Variants in ADCY10 observed in about 807,000 individuals in gnomAD.
ADCY10 encodes adenylate cyclase 10, also known as adenylate cyclase type 10.
Under a neutral mutation model 183.3 loss-of-function variants are expected in ADCY10, and 156 were observed. That is an observed-to-expected ratio of 0.85 (90% CI 0.75 to 0.97). The LOEUF (loss-of-function observed/expected upper bound fraction) is 0.97, where lower values mean the gene tolerates loss of function less well. ADCY10 is among the 50% of genes least tolerant of loss of function. The pLI is 0.00. For missense variants in ADCY10, 1,745 were observed against 1,934.3 expected, an observed-to-expected ratio of 0.90 and a Z score of 1.84; for synonymous variants, 645 against 670.0, an observed-to-expected ratio of 0.96 and a Z score of 0.58.
At chr1:167,911,221 A>G (rs1300307141) in intron 1 of ADCY10, among the ~76,000 whole-genome samples, 3 of 152,390 alleles carry the variant, frequency 2.0e-5, no homozygotes, top group African/African-American at 7.2e-5. Context: ...TAAAAAGTAA[A>G]GTAGAGGTTC....
intron 25 of ADCY10, among the ~76,000 whole-genome samples, chr1:167,831,815 T>C (rs2101897566): frequency 6.6e-6 from 1 of 152,334 alleles, no homozygotes; most frequent in African/African-American, 2.4e-5. Context: ...ATGATAGATG[T>C]ATACTAAAAA....
chr1:167,841,585 G>T (rs1401538288), intron 21 of ADCY10, among the ~76,000 whole-genome samples: 3 of 141,246 alleles, frequency 2.1e-5, no homozygotes, highest in Non-Finnish European at 4.5e-5. Flanking sequence ...ATGGCTTACT[G>T]CAGTCTCAAA....
At chr1:167,822,197 T>C in intron 29 of ADCY10, 56 bp from the exon 30 acceptor site, 15 of 1,132,392 alleles carry the variant, frequency 1.3e-5, no homozygotes, top group Non-Finnish European at 1.9e-5. Context: ...ATCATCTTTC[T>C]AGCCTAGTCA....
In ADCY10 at chr1:167,880,124, CGT is replaced by C. The variant is rs779944215; in HGVS notation, c.1205_1206del (p.His402ArgfsTer41). 1.9e-6 allele frequency: 3 copies of C among 1,612,262 alleles called. No homozygotes were observed. The highest frequency in any genetic ancestry group is 2.5e-6 in the Non-Finnish European group (3 of 1,179,396). On this transcript the variant is annotated frameshift_variant, in exon 11 of 33. Transcript: ENST00000367851. LOFTEE classifies it high-confidence loss of function. Reference sequence around the variant, plus strand: ...AGCTGACCCAGCACACCTGTGTACTCGTGTCTCACAGTGTGTCCAACGATCCC... The same window carrying C: ...AGCTGACCCAGCACACCTGTGTACTCGTCTCACAGTGTGTCCAACGATCCC... Reference protein sequence around the residue: ...FCGIVGHTVRHEYTVIGQKVN... With the variant: ...FCGIVGHTVRXEYTVIGQKVN...
At chr1:167,810,952 A>G (rs1571195178) in intron 31 of ADCY10, 39 bp from the exon 32 acceptor site, 1 of 1,585,770 alleles carries the variant, frequency 6.3e-7, no homozygotes, top group Non-Finnish European at 8.7e-7. Flanking sequence ...TTAGAATTAA[A>G]CAGGGGTCCT....
At chr1:167,860,145 C>T (rs918193883) in intron 15 of ADCY10, among the ~76,000 whole-genome samples, 4 of 152,100 alleles carry the variant, frequency 2.6e-5, no homozygotes, top group Non-Finnish European at 4.4e-5. Flanking sequence ...TCTATTATTA[C>T]ATTGTAATAT....
intron 14 of ADCY10, among the ~76,000 whole-genome samples, chr1:167,869,531 A>C (rs1479674890): frequency 2.0e-5 from 3 of 152,114 alleles, no homozygotes; most frequent in African/African-American, 7.2e-5. Flanking sequence ...TAAGAACCAG[A>C]CCCGAAACCA....
intron 14 of ADCY10, among the ~76,000 whole-genome samples, chr1:167,861,583 T>C (rs187499470): frequency 9.9e-4 from 151 of 152,354 alleles, no homozygotes; most frequent in Admixed American, 2.0e-3. Context: ...TGCCCCTCAT[T>C]TGAGGTTCAT....
intron 31 of ADCY10, among the ~76,000 whole-genome samples, chr1:167,816,322 G>C (rs1662527233): frequency 6.6e-6 from 1 of 152,102 alleles, no homozygotes; most frequent in Admixed American, 6.5e-5. Flanking sequence ...GAGGTGGGCA[G>C]GTCACTTGAG....
At chr1:167,887,808 T>A (rs1459475751) in intron 8 of ADCY10, among the ~76,000 whole-genome samples, 1 of 151,856 alleles carries the variant, frequency 6.6e-6, no homozygotes, top group African/African-American at 2.4e-5. Flanking sequence ...TGTTATCCCA[T>A]CTGTCCATTT....
chr1:167,886,623 G>A (rs957565305), intron 8 of ADCY10, among the ~76,000 whole-genome samples: 1 of 152,166 alleles, frequency 6.6e-6, no homozygotes, highest in Non-Finnish European at 1.5e-5. Flanking sequence ...ATACCATTCA[G>A]TACATAGGCA....
chr1:167,821,923 G>A, intron 30 of ADCY10, 101 bp downstream of exon 30: 1 of 829,084 alleles, frequency 1.2e-6, no homozygotes, highest in African/African-American at 1.7e-5. Context: ...AGCTGTCTCA[G>A]GTATAAATTA....
At chr1:167,850,413 T>A (rs867596344) in intron 18 of ADCY10, among the ~76,000 whole-genome samples, 3 of 151,768 alleles carry the variant, frequency 2.0e-5, no homozygotes, top group Admixed American at 1.3e-4. Flanking sequence ...GAATTAAGGG[T>A]GAGGTTAGGG....
At chr1:167,825,665 A>G (rs1353750919) in intron 26 of ADCY10, among the ~76,000 whole-genome samples, 1 of 152,190 alleles carries the variant, frequency 6.6e-6, no homozygotes, top group Non-Finnish European at 1.5e-5. Flanking sequence ...CAAGCCTGTA[A>G]TCCTAGCTAC....
chr1:167,911,001 C>G (rs1319773849), intron 1 of ADCY10, among the ~76,000 whole-genome samples: 1 of 152,214 alleles, frequency 6.6e-6, no homozygotes, highest in Non-Finnish European at 1.5e-5. Flanking sequence ...CAATACCACA[C>G]TCTCCTCACA....
At chr1:167,812,347 A>T (rs1255308505) in intron 31 of ADCY10, among the ~76,000 whole-genome samples, 1 of 152,200 alleles carries the variant, frequency 6.6e-6, no homozygotes, top group Non-Finnish European at 1.5e-5. Flanking sequence ...AAATACTAGG[A>T]CATTCAAAAG....
chr1:167,812,723 C>G (rs1247838259), intron 31 of ADCY10, among the ~76,000 whole-genome samples: 1 of 151,980 alleles, frequency 6.6e-6, no homozygotes, highest in Non-Finnish European at 1.5e-5. Context: ...TTAAACAACT[C>G]TAAAGATAAT....
At chr1:167,812,726 A>C (rs1662298649) in intron 31 of ADCY10, among the ~76,000 whole-genome samples, 1 of 152,206 alleles carries the variant, frequency 6.6e-6, no homozygotes, top group Non-Finnish European at 1.5e-5. Context: ...AACAACTCTA[A>C]AGATAATCAA....
At position 167,870,274 on chromosome 1, in the gene ADCY10, G is replaced by T. The variant is rs761131070; in HGVS notation, c.1599C>A (p.Ala533=). Residue 533 remains alanine (A), a synonymous_variant, in exon 14 of 33, where the codon GCC becomes GCA. Transcript: ENST00000367851. ...ACACTCACCTGTGATTCTTACCTTG[G>T]GCCAGGTACTCAATTTTCATAAGTA... ...SQILMKIEYL[A]QGKNHRIIAI... 6.2e-7 allele frequency: 1 copy of T among 1,613,618 alleles called. No individual in the cohort carries two copies. The highest frequency in any genetic ancestry group is 1.7e-5 in the Admixed American group (1 of 59,970).
Sources: allele counts gnomAD v4.1 joint callset (sites outside exome capture counted in the v4.1 genomes callset), GRCh38; gene constraint gnomAD v4.1.1; transcripts MANE v1.5; gene names NCBI Gene and HGNC (gene_info 2026-07-23, HGNC 2026-07-21).